CCDC7: variants seen among roughly 807,000 people sequenced by gnomAD.
CCDC7 encodes the protein coiled-coil domain containing 7, also known as coiled-coil domain-containing protein 7.
Under a neutral mutation model 196.9 loss-of-function variants are expected in CCDC7, and 183 were observed. The observed-to-expected ratio is 0.93, with a 90% CI of 0.82 to 1.05. CCDC7 has a LOEUF of 1.05. CCDC7 is among the 50% of genes least tolerant of loss of function. The pLI, the probability that CCDC7 is intolerant of heterozygous loss-of-function variation, is 0.00. For synonymous variants in CCDC7, 525 were observed against 484.6 expected (o/e 1.08, Z -1.10); for missense variants, 1,540 against 1,482.2 (o/e 1.04, Z -0.64).
intron 18 of CCDC7, among the ~76,000 whole-genome samples, chr10:32,595,950 GCTTTA>G (rs2060295397): frequency 6.6e-6 from 1 of 152,166 alleles, no homozygotes; most frequent in Non-Finnish European, 1.5e-5. Flanking sequence ...GCTGAGGAGT[GCTTTA>G]CTTCCAACTA....
chr10:32,606,593 AT>A (rs1218001230), intron 18 of CCDC7, among the ~76,000 whole-genome samples: 2 of 152,216 alleles, frequency 1.3e-5, no homozygotes, highest in African/African-American at 4.8e-5. Flanking sequence ...TATGCCCTGG[AT>A]TTGGGACATG....
At chr10:32,741,728 A>G (rs1418432099) in intron 28 of CCDC7, among the ~76,000 whole-genome samples, 1 of 152,078 alleles carries the variant, frequency 6.6e-6, no homozygotes, top group East Asian at 1.9e-4. Context: ...CATTTCTCTT[A>G]CAACTGGTAA....
At chr10:32,539,753 C>T (rs2051102325) in intron 11 of CCDC7, among the ~76,000 whole-genome samples, 1 of 152,002 alleles carries the variant, frequency 6.6e-6, no homozygotes, top group African/African-American at 2.4e-5. Flanking sequence ...TAACTTCTGC[C>T]TTAATTTCAT....
chr10:32,511,370 T>A (rs761390364), intron 9 of CCDC7: 7 of 1,609,114 alleles, frequency 4.4e-6, no homozygotes, highest in Admixed American at 1.7e-5. Context: ...CGGTTTTGGT[T>A]CCCAGAGGGC....
chr10:32,853,523 T>G (rs1255103440), intron 40 of CCDC7, among the ~76,000 whole-genome samples: 1 of 152,202 alleles, frequency 6.6e-6, no homozygotes, highest in Non-Finnish European at 1.5e-5. Flanking sequence ...TGTAAAATTT[T>G]ACTAACTTTG....
At chr10:32,820,520 C>T (rs1178139796) in intron 31 of CCDC7, among the ~76,000 whole-genome samples, 2 of 152,050 alleles carry the variant, frequency 1.3e-5, no homozygotes, top group African/African-American at 4.8e-5. Context: ...CAATCCTAAG[C>T]CAAAAGAACA....
At chr10:32,845,675 C>T (rs766003071) in intron 35 of CCDC7, 49 bp downstream of exon 36, 25 of 1,504,350 alleles carry the variant, frequency 1.7e-5, no homozygotes, top group Non-Finnish European at 2.3e-5. Context: ...ATTTATATTC[C>T]TGGAGTTAAA....
chr10:32,856,641 G>A (rs902731528), intron 41 of CCDC7, among the ~76,000 whole-genome samples: 3 of 152,116 alleles, frequency 2.0e-5, no homozygotes, highest in Admixed American at 6.6e-5. Context: ...CAGAGCCTGC[G>A]CCACTGCTGT....
chr10:32,779,475 C>G (rs1301756646), intron 29 of CCDC7, among the ~76,000 whole-genome samples: 1 of 152,164 alleles, frequency 6.6e-6, no homozygotes, highest in South Asian at 2.1e-4. Context: ...ACCATATAGG[C>G]AATATGGCTG....
intron 18 of CCDC7, among the ~76,000 whole-genome samples, chr10:32,618,886 G>A (rs1471420848): frequency 6.6e-6 from 1 of 152,042 alleles, no homozygotes; most frequent in Non-Finnish European, 1.5e-5. Context: ...CAATGCATAA[G>A]TTCTATAGCT....
chr10:32,541,061 T>TC (rs138825379), intron 11 of CCDC7, among the ~76,000 whole-genome samples: 1 of 151,446 alleles, frequency 6.6e-6, no homozygotes, highest in Non-Finnish European at 1.5e-5. Context: ...TTTTTTTTTT[T>TC]CATTCTTTTT....
chr10:32,742,061 A>G (rs969387241), intron 28 of CCDC7, among the ~76,000 whole-genome samples: 3 of 152,174 alleles, frequency 2.0e-5, no homozygotes, highest in Non-Finnish European at 4.4e-5. Flanking sequence ...TGAACAACAT[A>G]TAGTTAGAAT....
At chr10:32,795,760 T>C (rs2083453289) in intron 29 of CCDC7, among the ~76,000 whole-genome samples, 1 of 152,144 alleles carries the variant, frequency 6.6e-6, no homozygotes, top group African/African-American at 2.4e-5. Context: ...CACTGCCTTA[T>C]TTTTGGCACT....
intron 27 of CCDC7, 37 bp from the exon 29 acceptor site, chr10:32,729,295 C>T (rs1353555365): frequency 2.0e-6 from 3 of 1,511,746 alleles, no homozygotes; most frequent in Non-Finnish European, 2.7e-6. Flanking sequence ...TTGGCATATC[C>T]AGAAGTTCTA....
chr10:32,732,701 T>C (rs1046556724), intron 28 of CCDC7, among the ~76,000 whole-genome samples: 2 of 152,170 alleles, frequency 1.3e-5, no homozygotes, highest in Admixed American at 6.5e-5. Flanking sequence ...AGCATTCTTA[T>C]GTTCACAGTA....
rs76805313 is a variant in CCDC7 at position 32,815,224 on chromosome 10, C to T, written c.3181+771C>T. ...GAAACAGTACTCTGTAACCCAAACA[C>T]AAGGAAAAAGGCAAGGAAAACTGCT... On this transcript the variant is annotated intron_variant, in intron 31 of 41. Coordinates refer to ENST00000639629, the Ensembl canonical transcript of CCDC7. Among the ~76,000 whole-genome samples the T allele has an allele frequency of 7.9e-3, 1,202 of 152,076 alleles. 7 individuals are homozygous for T. The highest frequency in any genetic ancestry group is 0.02 in the Middle Eastern group (6 of 294).
intron 21 of CCDC7, among the ~76,000 whole-genome samples, chr10:32,671,689 G>A (rs2074086064): frequency 1.3e-5 from 2 of 152,110 alleles, no homozygotes; most frequent in South Asian, 2.1e-4. Context: ...CAAATCTGGT[G>A]CAGCAGTCAC....
chr10:32,514,190 A>G (rs2046674901), intron 9 of CCDC7: 1 of 152,222 alleles, frequency 6.6e-6, no homozygotes, highest in Admixed American at 6.5e-5. Context: ...ACTAGCTGTT[A>G]TGGGTTGAAT....
intron 20 of CCDC7, among the ~76,000 whole-genome samples, chr10:32,636,654 G>A (rs2065704200): frequency 6.6e-6 from 1 of 152,170 alleles, no homozygotes; most frequent in South Asian, 2.1e-4. Flanking sequence ...TTGGTTCCAA[G>A]TCTTTGCTAT....
Sources: allele counts gnomAD v4.1 joint callset (sites outside exome capture counted in the v4.1 genomes callset), GRCh38; gene constraint gnomAD v4.1.1; transcripts MANE v1.5; gene names NCBI Gene and HGNC (gene_info 2026-07-23, HGNC 2026-07-21).